DRC3: variants seen among roughly 807,000 people sequenced by gnomAD.
DRC3 encodes dynein regulatory complex subunit 3, also known as leucine rich repeat containing 48.
A neutral mutation model predicts 57.6 loss-of-function variants in DRC3; 45 were observed. The observed-to-expected ratio is 0.78, with a 90% CI of 0.62 to 1.00. The LOEUF (loss-of-function observed/expected upper bound fraction) is 1.00. Ranked by LOEUF, DRC3 falls within the 50% of genes least tolerant of loss-of-function variation. The pLI, the probability that DRC3 is intolerant of heterozygous loss-of-function variation, is 0.00. For missense variants in DRC3, 655 were observed against 675.2 expected (o/e 0.97, Z 0.33); for synonymous variants, 257 against 272.3 (o/e 0.94, Z 0.55).
At chr17:17,991,922 A>T (rs1458236166) in intron 5 of DRC3, among the ~76,000 whole-genome samples, 1 of 151,222 alleles carries the variant, frequency 6.6e-6, no homozygotes, top group Admixed American at 6.6e-5. Context: ...GGGAGGATTT[A>T]TTGTGACCAG....
chr17:18,016,867 T>G lies in DRC3; in HGVS notation c.*196T>G. The G allele has an allele frequency of 2.6e-6, 1 of 389,512 alleles. No homozygotes were observed. The allele number at this position is 389,512 out of a possible 1,614,324, so 24.1% of individuals were successfully genotyped here. A position where few individuals can be genotyped will look rare whatever the true frequency, so the allele number is the denominator to read the frequency against. The stretch of plus-strand genomic sequence containing the variant: ...TAAAGGACTCATTTCACATTTCCCC[T>G]ACTCATAAAAAAAAAAAAAAAATCA... On this transcript the variant is annotated 3_prime_UTR_variant, in exon 14 of 14. Coordinates refer to ENST00000399187, the MANE Select transcript of DRC3 (RefSeq NM_031294.4).
chr17:17,972,813 G>A (rs928152107), upstream of DRC3: 1 of 155,080 alleles, frequency 6.4e-6, no homozygotes, highest in East Asian at 1.9e-4. Flanking sequence ...GGTGTAAGGA[G>A]TGTTTCACCA....
At chr17:18,006,083 C>A in intron 10 of DRC3, 100 bp from the exon 11 acceptor site, 1 of 798,116 alleles carries the variant, frequency 1.3e-6, no homozygotes, top group South Asian at 1.5e-5. Flanking sequence ...TGCTGAAGGT[C>A]TGTGATTAGA....
intron 9 of DRC3, among the ~76,000 whole-genome samples, chr17:18,003,665 C>CA (rs1310761791): frequency 9.8e-6 from 1 of 102,374 alleles, no homozygotes; most frequent in Non-Finnish European, 1.8e-5. Flanking sequence ...TTTTTTGAGA[C>CA]AGAGTCTCAC....
chr17:17,998,845 G>C (rs1031311258), intron 9 of DRC3, among the ~76,000 whole-genome samples: 1 of 152,222 alleles, frequency 6.6e-6, no homozygotes, highest in African/African-American at 2.4e-5. Flanking sequence ...TCACATATGT[G>C]TTTTATGTGG....
At chr17:17,976,522 A>G (rs1451435745) in intron 2 of DRC3, among the ~76,000 whole-genome samples, 2 of 152,208 alleles carry the variant, frequency 1.3e-5, no homozygotes, top group African/African-American at 4.8e-5. Context: ...TCTACTAAAA[A>G]TACAAAAAAT....
chr17:17,979,937 C>G (rs1303043988), intron 3 of DRC3, among the ~76,000 whole-genome samples: 1 of 151,980 alleles, frequency 6.6e-6, no homozygotes, highest in African/African-American at 2.4e-5. Context: ...CAATCCGGCT[C>G]TAGGGGAAGG....
rs1490287929 is a variant in DRC3 at position 18,007,026 on chromosome 17, T to C, written c.1205T>C (p.Met402Thr). The change falls in exon 12 of 14, where the codon ATG becomes ACG. Residue 402 changes from methionine to threonine, a missense_variant and splice_region_variant. Met to Thr is a moderately conservative substitution (Grantham distance 81). Transcript: ENST00000399187. The stretch of plus-strand genomic sequence containing the variant: ...CTTTGCTTAACTCGGGGCTGCACGA[T>C]GGCTCAGTGCCGGGACCTGGAGAAT... ...GLFIENVQSL[M>T]AQCRDLENHH... The C allele has an allele frequency of 1.9e-6, 3 of 1,612,286 alleles. No homozygotes were observed. Among genetic ancestry groups the C allele is most frequent in the Non-Finnish European group, 2.5e-6 (3 of 1,179,070 alleles).
At chr17:17,988,183 A>G in intron 5 of DRC3, 85 bp downstream of exon 5, 2 of 1,373,410 alleles carry the variant, frequency 1.5e-6, no homozygotes, top group Admixed American at 2.1e-5. Context: ...GGCTAGGGGA[A>G]GTACAGGCTG....
chr17:18,007,506 TAG>T, intron 12 of DRC3: 1 of 1,549,182 alleles, frequency 6.5e-7, no homozygotes, highest in Non-Finnish European at 8.7e-7. Context: ...TTCTTAACCT[TAG>T]AGTCTGTATA....
At chr17:17,986,243 C>G (rs959342625) in intron 4 of DRC3, among the ~76,000 whole-genome samples, 1 of 152,170 alleles carries the variant, frequency 6.6e-6, no homozygotes, top group Non-Finnish European at 1.5e-5. Flanking sequence ...GCTGTGCTAC[C>G]TTGAGCATAT....
Position 17,994,405 on chromosome 17 carries a change from T to C in DRC3, c.698T>C (p.Leu233Pro). 6.4e-7 allele frequency: 1 copy of C among 1,552,568 alleles called. No individual in the cohort carries two copies. Reference protein sequence around the residue: ...LEDEQAQREELEKHKTAFVEH... With the variant: ...LEDEQAQREEPEKHKTAFVEH... ...GACGAGCAGGCGCAGCGGGAGGAGC[T>C]AGAGAAGCACAAGGTACCGTTCCGG... Residue 233 changes from leucine to proline, a missense_variant, in exon 7 of 14, where the codon CTA becomes CCA. Leu to Pro is a moderately conservative substitution (Grantham distance 98). Transcript: ENST00000399187.
chr17:18,007,209 C>A, intron 12 of DRC3, 62 bp downstream of exon 12: 1 of 9,876 alleles, frequency 1.0e-4, no homozygotes, highest in Non-Finnish European at 1.6e-4. Flanking sequence ...TGTGGCTGGA[C>A]TGAGGCTCTG....
At chr17:17,974,686 C>A (rs889979522) in intron 2 of DRC3, among the ~76,000 whole-genome samples, 1 of 152,190 alleles carries the variant, frequency 6.6e-6, no homozygotes, top group Non-Finnish European at 1.5e-5. Flanking sequence ...CACAAAGTTA[C>A]CTCCTCCTTC....
chr17:18,015,276 T>C (rs928504171), intron 12 of DRC3: 1 of 152,180 alleles, frequency 6.6e-6, no homozygotes, highest in Non-Finnish European at 1.5e-5. Flanking sequence ...GAACAAAAAA[T>C]GCACACTCCA....
At chr17:17,975,526 A>G (rs78536915) in intron 2 of DRC3, among the ~76,000 whole-genome samples, 15 of 17,996 alleles carry the variant, frequency 8.3e-4, no homozygotes, top group South Asian at 7.6e-3. Flanking sequence ...CCCCCCCCCC[A>G]AAAAAAAGGC....
intron 12 of DRC3, chr17:18,007,713 T>C (rs2044032270): frequency 8.0e-7 from 1 of 1,257,406 alleles, no homozygotes; most frequent in Non-Finnish European, 1.0e-6. Context: ...AGCATGTCTA[T>C]GTCTCTGGAA....
At chr17:18,009,137 T>C (rs960674077) in intron 12 of DRC3, among the ~76,000 whole-genome samples, 1 of 152,214 alleles carries the variant, frequency 6.6e-6, no homozygotes, top group Non-Finnish European at 1.5e-5. Flanking sequence ...GGAAAAAGTA[T>C]GCTCTGACTA....
chr17:17,976,376 A>G (rs2042387909), intron 2 of DRC3, among the ~76,000 whole-genome samples: 1 of 152,162 alleles, frequency 6.6e-6, no homozygotes, highest in African/African-American at 2.4e-5. Context: ...CCTCTGGACC[A>G]TTAGCAACAG....
Sources: gnomAD v4.1 joint callset for allele counts (sites outside exome capture counted in the v4.1 genomes callset) on GRCh38, gnomAD v4.1.1 for gene constraint, MANE v1.5 for transcripts, NCBI Gene and HGNC (gene_info 2026-07-23, HGNC 2026-07-21) for gene names.